Variants in NAALADL2 observed in about 807,000 individuals in gnomAD.
NAALADL2 encodes the protein N-acetylated alpha-linked acidic dipeptidase like 2, also known as inactive N-acetylated-alpha-linked acidic dipeptidase-like protein 2.
NAALADL2 carries 76 observed loss-of-function variants against 87.2 expected under a neutral mutation model. The ratio of observed to expected loss-of-function variants is 0.87; its 90% CI spans 0.72 to 1.05. NAALADL2 has a LOEUF of 1.05. Ranked by LOEUF, NAALADL2 falls within the 50% of genes least tolerant of loss-of-function variation. The pLI is 0.00. For synonymous variants in NAALADL2, 354 were observed against 331.0 expected (o/e 1.07, Z -0.75); for missense variants, 1,089 against 945.8 (o/e 1.15, Z -1.99).
intron 1 of NAALADL2, among the ~76,000 whole-genome samples, chr3:174,518,919 A>AT (rs966335607): frequency 1.8e-4 from 28 of 152,236 alleles, no homozygotes; most frequent in Admixed American, 5.9e-4. Context: ...TGTATTCTGC[A>AT]TTTTTTTAAG....
chr3:175,764,618 G>GAATA (rs1380866897), intron 13 of NAALADL2, among the ~76,000 whole-genome samples: 4 of 131,196 alleles, frequency 3.0e-5, no homozygotes, highest in African/African-American at 1.3e-4. Flanking sequence ...CTTTAACCAA[G>GAATA]AATAAAGAAA....
rs561000942 is a variant in NAALADL2, at chr3:174,523,724, A to G, written c.-183-26845A>G. ...ACCTACCTGAGGCTTTCTGCTGCCT[A>G]CCTCATCCATGGGGATATGTCTTTT... On this transcript the variant is annotated intron_variant, in intron 1 of 3. Transcript: ENST00000434257. Among the ~76,000 whole-genome samples, 8 of 152,258 alleles carry G rather than the reference A, an allele frequency of 5.3e-5. No individual in the cohort carries two copies. In the South Asian group the frequency reaches 1.0e-3, roughly 20 times the overall value.
intron 5 of NAALADL2, among the ~76,000 whole-genome samples, chr3:175,362,488 C>T (rs983764941): frequency 2.0e-5 from 3 of 147,868 alleles, no homozygotes; most frequent in Non-Finnish European, 3.0e-5. Flanking sequence ...ATTGATTGTT[C>T]CTATCCATGA....
chr3:174,787,889 A>T (rs1281924804), intron 3 of NAALADL2, among the ~76,000 whole-genome samples: 1 of 151,748 alleles, frequency 6.6e-6, no homozygotes, highest in Non-Finnish European at 1.5e-5. Context: ...CCAAGTCAGC[A>T]CTCCAGCTCT....
chr3:175,087,811 C>T (rs925361990), intron 1 of NAALADL2, among the ~76,000 whole-genome samples: 2 of 151,816 alleles, frequency 1.3e-5, no homozygotes, highest in Non-Finnish European at 2.9e-5. Flanking sequence ...ACCAGAGACC[C>T]TTGTTCACAT....
At chr3:175,577,297 G>C (rs78988429) in intron 10 of NAALADL2, among the ~76,000 whole-genome samples, 2,332 of 152,250 alleles carry the variant, frequency 0.015, 62 homozygotes, top group African/African-American at 0.051. Context: ...CCTGTAGAGG[G>C]TTTAGCTAAC....
chr3:175,034,471 C>T (rs1030388402), intron 1 of NAALADL2, among the ~76,000 whole-genome samples: 1 of 152,078 alleles, frequency 6.6e-6, no homozygotes, highest in Non-Finnish European at 1.5e-5. Flanking sequence ...AGAACTGTTT[C>T]CTTGTATAGC....
In NAALADL2 at chr3:175,265,499, G is replaced by A. The variant is rs191835980; in HGVS notation, c.939+8969G>A. ...TCTCGCTCATTTTCTCTTTTTGTCT[G>A]ACTGTCTCTTGATAAATATTGCTTA... On this transcript the variant is annotated intron_variant, in intron 4 of 13. Transcript: ENST00000454872. Among the ~76,000 whole-genome samples, 290 of 151,608 alleles carry A rather than the reference G, an allele frequency of 1.9e-3. 3 individuals carry two copies. Among genetic ancestry groups the A allele is most frequent in the African/African-American group, 6.8e-3 (280 of 41,476 alleles).
At chr3:175,491,373 A>G (rs968444097) in intron 9 of NAALADL2, among the ~76,000 whole-genome samples, 8 of 151,440 alleles carry the variant, frequency 5.3e-5, no homozygotes, top group African/African-American at 1.9e-4. Context: ...CCACTTTTCA[A>G]TCTGTGTATT....
At chr3:175,740,808 T>C (rs1328906644) in intron 12 of NAALADL2, among the ~76,000 whole-genome samples, 1 of 152,194 alleles carries the variant, frequency 6.6e-6, no homozygotes, top group Non-Finnish European at 1.5e-5. Flanking sequence ...TTCAGCACTT[T>C]ACTTTCTTAA....
At chr3:175,442,348 C>T (rs915396139) in intron 5 of NAALADL2, among the ~76,000 whole-genome samples, 5 of 151,914 alleles carry the variant, frequency 3.3e-5, no homozygotes, top group Non-Finnish European at 5.9e-5. Flanking sequence ...CTTTACACAG[C>T]CAACCAGATG....
intron 1 of NAALADL2, among the ~76,000 whole-genome samples, chr3:174,942,043 G>A (rs574301138): frequency 2.8e-4 from 43 of 152,140 alleles, no homozygotes; most frequent in African/African-American, 1.0e-3. Flanking sequence ...GTCTGTCATG[G>A]TGTTGTTAGC....
chr3:175,085,271 T>G (rs1196032855), intron 1 of NAALADL2, among the ~76,000 whole-genome samples: 1 of 152,186 alleles, frequency 6.6e-6, no homozygotes, highest in Non-Finnish European at 1.5e-5. Context: ...GTTAACTTAC[T>G]TAATATAAAT....
In NAALADL2 at chr3:175,445,096, T is replaced by G. The variant is rs139442031; in HGVS notation, c.1091-2133T>G. 3.3e-5 allele frequency among the ~76,000 whole-genome samples: 5 copies of G among 152,338 alleles called. No homozygotes were observed. The East Asian group carries it at 9.6e-4, about 29-fold the overall frequency. The stretch of plus-strand genomic sequence containing the variant: ...TCCCTAGTAAAAGTTCTGAAAAATA[T>G]AGCACTGCATTTGAAAACATCACAG... On this transcript the variant is annotated intron_variant, in intron 5 of 13. Coordinates refer to ENST00000454872, the MANE Select transcript of NAALADL2 (RefSeq NM_207015.3).
At chr3:175,735,781 G>A (rs975269624) in intron 11 of NAALADL2, among the ~76,000 whole-genome samples, 2 of 152,122 alleles carry the variant, frequency 1.3e-5, no homozygotes, top group Non-Finnish European at 2.9e-5. Context: ...AAATTTGGGT[G>A]GGGACACAGA....
intron 8 of NAALADL2, among the ~76,000 whole-genome samples, chr3:175,467,815 T>C (rs1243897983): frequency 6.6e-6 from 1 of 152,122 alleles, no homozygotes; most frequent in African/African-American, 2.4e-5. Flanking sequence ...AACTGAAATA[T>C]TGGAGAATTT....
Position 174,701,406 on chromosome 3 carries a change from A to G in NAALADL2, c.-114-36235A>G, listed in dbSNP as rs115852308. Among the ~76,000 whole-genome samples the G allele has an allele frequency of 7.8e-3, 1,186 of 152,144 alleles. 15 individuals carry two copies. The highest frequency in any genetic ancestry group is 0.027 in the African/African-American group (1,128 of 41,542). ...CATTTTCACCAAATAATATATACAG[A>G]TAAATTATTTCAAGAATTCATTAGG... On this transcript the variant is annotated intron_variant, in intron 2 of 3. Coordinates refer to the NAALADL2 transcript ENST00000434257.
chr3:174,893,384 G>A (rs761514055), intron 1 of NAALADL2, among the ~76,000 whole-genome samples: 11 of 151,128 alleles, frequency 7.3e-5, no homozygotes, highest in African/African-American at 2.0e-4. Flanking sequence ...TAGTAAGTAC[G>A]CAGCAAAACA....
At chr3:175,032,914 A>T (rs1752963693) in intron 1 of NAALADL2, among the ~76,000 whole-genome samples, 1 of 152,004 alleles carries the variant, frequency 6.6e-6, no homozygotes, top group African/African-American at 2.4e-5. Context: ...TTCTTCCCTT[A>T]AAAGGGATGC....
Sources: allele counts gnomAD v4.1 joint callset (sites outside exome capture counted in the v4.1 genomes callset), GRCh38; gene constraint gnomAD v4.1.1; transcripts MANE v1.5; gene names NCBI Gene and HGNC (gene_info 2026-07-23, HGNC 2026-07-21).